Variants in PLD1 observed in about 807,000 individuals in gnomAD.
The protein encoded by PLD1 is choline phosphatase 1.
PLD1 carries 112 observed loss-of-function variants against 137.1 expected under a neutral mutation model. The observed-to-expected ratio is 0.82, with a 90% CI of 0.70 to 0.96. The LOEUF is 0.96. Ranked by LOEUF, PLD1 falls within the 40% of genes least tolerant of loss-of-function variation. The probability of loss-of-function intolerance (pLI) is 0.00; values close to 1 mark genes in which losing one functional copy is unlikely to be tolerated. For missense variants in PLD1, 1,321 were observed against 1,342.0 expected (o/e 0.98, Z 0.24); for synonymous variants, 431 against 454.7 (o/e 0.95, Z 0.66).
At chr3:171,688,639 C>A (rs759234686) in intron 14 of PLD1, 37 bp downstream of exon 14, 8 of 1,420,036 alleles carry the variant, frequency 5.6e-6, no homozygotes, top group South Asian at 2.3e-5. Flanking sequence ...AAATTATGTT[C>A]GTGTTATACA....
intron 3 of PLD1, among the ~76,000 whole-genome samples, chr3:171,736,173 A>C (rs1030471943): frequency 6.6e-6 from 1 of 152,172 alleles, no homozygotes; most frequent in Non-Finnish European, 1.5e-5. Flanking sequence ...AGGAACCACC[A>C]GTGTTAAGGA....
intron 23 of PLD1, among the ~76,000 whole-genome samples, chr3:171,633,639 A>G (rs1430357866): frequency 6.6e-6 from 1 of 152,202 alleles, no homozygotes; most frequent in Non-Finnish European, 1.5e-5. Context: ...GTATAATTAA[A>G]AAAAGAAGAG....
intron 24 of PLD1, among the ~76,000 whole-genome samples, chr3:171,614,943 C>T (rs1310486035): frequency 2.6e-5 from 4 of 152,154 alleles, no homozygotes; most frequent in South Asian, 2.1e-4. Context: ...CAGAGGGTGT[C>T]GTTCTTGTAT....
In PLD1 at chr3:171,727,657, C is replaced by T. The variant is rs527847221; in HGVS notation, c.607-1581G>A. ...TCTGTGGGATGAACCACACTAGATACATGTGAAAGTAGTTACAGAGTTATA... is the reference window on the plus strand; with the variant it reads ...TCTGTGGGATGAACCACACTAGATATATGTGAAAGTAGTTACAGAGTTATA... On this transcript the variant is annotated intron_variant, in intron 6 of 26. Coordinates refer to ENST00000351298, the MANE Select transcript of PLD1 (RefSeq NM_002662.5). Among the ~76,000 whole-genome samples the T allele has an allele frequency of 2.1e-3, 315 of 152,232 alleles. 1 individual carries two copies. Among genetic ancestry groups the T allele is most frequent in the African/African-American group, 7.3e-3 (304 of 41,548 alleles).
At chr3:171,724,198 A>G (rs1213185502) in intron 8 of PLD1, among the ~76,000 whole-genome samples, 2 of 152,236 alleles carry the variant, frequency 1.3e-5, no homozygotes, top group Non-Finnish European at 2.9e-5. Context: ...AACAGTTTAA[A>G]GAACTGCCAG....
chr3:171,622,313 G>A (rs1277683872), intron 23 of PLD1, among the ~76,000 whole-genome samples: 1 of 152,164 alleles, frequency 6.6e-6, no homozygotes, highest in Non-Finnish European at 1.5e-5. Context: ...ACAGAATTCT[G>A]ATTCAGCGGA....
intron 23 of PLD1, among the ~76,000 whole-genome samples, chr3:171,629,499 T>C (rs994515021): frequency 1.0e-3 from 158 of 152,244 alleles, no homozygotes; most frequent in African/African-American, 3.6e-3. Flanking sequence ...CTTCACAGAA[T>C]TGGAAAAAAC....
chr3:171,717,961 T>C (rs1158507280), intron 8 of PLD1, among the ~76,000 whole-genome samples: 1 of 152,260 alleles, frequency 6.6e-6, no homozygotes, highest in African/African-American at 2.4e-5. Context: ...ATCAAAAGTC[T>C]TTCCTGCATC....
intron 24 of PLD1, among the ~76,000 whole-genome samples, chr3:171,616,421 C>T (rs1180175124): frequency 1.3e-5 from 2 of 152,068 alleles, no homozygotes; most frequent in Non-Finnish European, 2.9e-5. Context: ...TTCAAATCTC[C>T]GAAAACTGTG....
At chr3:171,726,799 A>G (rs1473005537) in intron 6 of PLD1, among the ~76,000 whole-genome samples, 1 of 152,096 alleles carries the variant, frequency 6.6e-6, no homozygotes, top group African/African-American at 2.4e-5. Flanking sequence ...TATGCTAACC[A>G]TTTTTCATGC....
chr3:171,641,940 A>G (rs1735789787), intron 23 of PLD1, among the ~76,000 whole-genome samples: 1 of 152,146 alleles, frequency 6.6e-6, no homozygotes. Context: ...CGTTTTCACA[A>G]TCTGGACCCA....
At chr3:171,689,195 T>C (rs547675928) in intron 13 of PLD1, among the ~76,000 whole-genome samples, 1 of 151,928 alleles carries the variant, frequency 6.6e-6, no homozygotes, top group East Asian at 1.9e-4. Context: ...CCTGTAAGGA[T>C]TATGTTAAAT....
intron 1 of PLD1, among the ~76,000 whole-genome samples, chr3:171,767,537 G>A (rs967462576): frequency 3.3e-5 from 5 of 152,182 alleles, no homozygotes; most frequent in Non-Finnish European, 5.9e-5. Context: ...GTATTAGGTT[G>A]TATTTTTTTC....
At chr3:171,662,793 C>T (rs1241773841) in intron 19 of PLD1, among the ~76,000 whole-genome samples, 1 of 152,226 alleles carries the variant, frequency 6.6e-6, no homozygotes, top group Non-Finnish European at 1.5e-5. Context: ...TGGCACGCCA[C>T]TTTAGTCTAA....
chr3:171,748,161 G>T (rs1720388496), intron 1 of PLD1, among the ~76,000 whole-genome samples: 1 of 152,160 alleles, frequency 6.6e-6, no homozygotes, highest in Non-Finnish European at 1.5e-5. Flanking sequence ...CCCTGTAAAT[G>T]ACAAGGCACA....
chr3:171,764,549 A>T (rs1464319236), intron 1 of PLD1, among the ~76,000 whole-genome samples: 1 of 152,088 alleles, frequency 6.6e-6, no homozygotes, highest in African/African-American at 2.4e-5. Context: ...ATGAGTATGT[A>T]CTTTTCTTTA....
chr3:171,685,465 G>A (rs1714452231), intron 16 of PLD1, among the ~76,000 whole-genome samples: 1 of 152,130 alleles, frequency 6.6e-6, no homozygotes, highest in Non-Finnish European at 1.5e-5. Flanking sequence ...TGGGCACTGG[G>A]AGGATGATAA....
intron 1 of PLD1, among the ~76,000 whole-genome samples, chr3:171,746,140 G>C (rs1720153426): frequency 6.6e-6 from 1 of 152,208 alleles, no homozygotes; most frequent in African/African-American, 2.4e-5. Flanking sequence ...CTTGGGACCT[G>C]CAGCCTGCCA....
chr3:171,603,038 T>A lies in PLD1; in HGVS notation c.*40A>T, dbSNP rs1002609186. 5 of 1,412,408 alleles carry A rather than the reference T, an allele frequency of 3.5e-6. No individual in the cohort carries two copies. In the African/African-American group the frequency reaches 7.1e-5, roughly 20 times the overall value. The allele number at this position is 1,412,408 out of a possible 1,614,324, so 87.5% of individuals were successfully genotyped here. The stretch of plus-strand genomic sequence containing the variant: ...CAGGAAGTCACTGTGTGCAGTGTGG[T>A]CTCCAGGGTGGAAGTCTTTGAGCTG... On this transcript the variant is annotated 3_prime_UTR_variant, in exon 27 of 27. Transcript: ENST00000351298.
Sources: gnomAD v4.1 joint callset for allele counts (sites outside exome capture counted in the v4.1 genomes callset) on GRCh38, gnomAD v4.1.1 for gene constraint, MANE v1.5 for transcripts, NCBI Gene and HGNC (gene_info 2026-07-23, HGNC 2026-07-21) for gene names.